Variants in MAK observed in about 807,000 individuals in gnomAD.
MAK encodes male germ cell associated kinase, also known as serine/threonine-protein kinase MAK.
MAK carries 65 observed loss-of-function variants against 82.6 expected under a neutral mutation model. That is an observed-to-expected ratio of 0.79 (90% CI 0.64 to 0.97). The LOEUF (loss-of-function observed/expected upper bound fraction) is 0.97. Among genes scored for constraint, MAK ranks in the 50% least tolerant of loss-of-function variants. The pLI is 0.00. For missense variants in MAK, 703 were observed against 780.2 expected, an observed-to-expected ratio of 0.90 and a Z score of 1.18; for synonymous variants, 250 against 274.2, an observed-to-expected ratio of 0.91 and a Z score of 0.87.
rs1365851410 is a variant in MAK at position 10,776,263 on chromosome 6, T to C, written c.1466-804A>G. Among the ~76,000 whole-genome samples the C allele has an allele frequency of 6.6e-6, 1 of 152,186 alleles. No homozygotes were observed. The highest frequency in any genetic ancestry group is 6.5e-5 in the Admixed American group (1 of 15,280). On this transcript the variant is annotated intron_variant, in intron 11 of 14. Coordinates refer to ENST00000354489, the MANE Select transcript of MAK (RefSeq NM_001242957.3). The surrounding 1 kb of genome is among the most constrained non-coding windows in gnomAD (Gnocchi z 4.3). ...GAGATACAGTAAAATGGAAACAGTTTATCCCCTGTGCGCCAGAAAGAAGTC... is the reference window on the plus strand; with the variant it reads ...GAGATACAGTAAAATGGAAACAGTTCATCCCCTGTGCGCCAGAAAGAAGTC...
At chr6:10,831,499 C>G (rs887931188) in intron 1 of MAK, among the ~76,000 whole-genome samples, 15 of 152,094 alleles carry the variant, frequency 9.9e-5, no homozygotes, top group African/African-American at 3.4e-4. Flanking sequence ...TGCCTGTAAT[C>G]CCAGTGATTT....
intron 8 of MAK, chr6:10,797,871 G>A: frequency 1.6e-6 from 2 of 1,283,364 alleles, no homozygotes; most frequent in Non-Finnish European, 2.0e-6. Context: ...CTAAAAAGCA[G>A]GGCTGTGAAA....
intron 2 of MAK, among the ~76,000 whole-genome samples, chr6:10,829,380 T>A (rs1360612877): frequency 6.6e-6 from 1 of 152,158 alleles, no homozygotes; most frequent in African/African-American, 2.4e-5. Context: ...AAAGAAATAA[T>A]AAGCCCTACT....
intron 9 of MAK, among the ~76,000 whole-genome samples, chr6:10,794,772 C>A (rs998667391): frequency 4.6e-5 from 7 of 152,156 alleles, no homozygotes; most frequent in Admixed American, 6.5e-5. Context: ...GAGGGTGGAT[C>A]ACCTGAGGTC....
At chr6:10,813,810 C>T in intron 4 of MAK, 87 bp from the exon 5 acceptor site, 1 of 779,896 alleles carries the variant, frequency 1.3e-6, no homozygotes, top group Non-Finnish European at 2.4e-6. Context: ...GCCTTGGAGC[C>T]TCTACTGGCC....
chr6:10,780,453 G>GTTT (rs34131278), intron 11 of MAK, among the ~76,000 whole-genome samples: 7 of 96,750 alleles, frequency 7.2e-5, no homozygotes, highest in African/African-American at 1.9e-4. Flanking sequence ...AAATGTACTG[G>GTTT]TTTTTTTTTT....
intron 1 of MAK, among the ~76,000 whole-genome samples, chr6:10,834,023 T>C (rs1392485546): frequency 6.6e-6 from 1 of 152,238 alleles, no homozygotes; most frequent in Non-Finnish European, 1.5e-5. Flanking sequence ...AAATATAATT[T>C]GGAAAAATCT....
chr6:10,816,624 G>C (rs1300242619), intron 4 of MAK, among the ~76,000 whole-genome samples: 1 of 151,882 alleles, frequency 6.6e-6, no homozygotes, highest in Non-Finnish European at 1.5e-5. Flanking sequence ...TTTATATTAG[G>C]AATGAAAGTC....
At chr6:10,798,422 C>G (rs1322313542) in intron 8 of MAK, among the ~76,000 whole-genome samples, 2 of 152,000 alleles carry the variant, frequency 1.3e-5, no homozygotes, top group South Asian at 2.1e-4. Flanking sequence ...CAACTCTTCC[C>G]TTTTAAGATA....
At chr6:10,787,711 A>G (rs1369742583) in intron 10 of MAK, among the ~76,000 whole-genome samples, 2 of 151,924 alleles carry the variant, frequency 1.3e-5, no homozygotes, top group East Asian at 2.0e-4. Flanking sequence ...AATACAAAAA[A>G]TTAGCCGAGT....
intron 9 of MAK, among the ~76,000 whole-genome samples, chr6:10,795,274 T>A (rs1775434770): frequency 1.3e-5 from 2 of 149,924 alleles, no homozygotes. Context: ...CAACATGGTC[T>A]CCACTAAAAA....
At position 10,815,912 on chromosome 6, in the gene MAK, G is replaced by GTATATATATATATATATA. The variant is rs3064109; in HGVS notation, c.278+1920_278+1937dup. Among the ~76,000 whole-genome samples, 104 of 108,264 alleles carry GTATATATATATATATATA rather than the reference G, an allele frequency of 9.6e-4. 1 individual carries two copies. The highest frequency in any genetic ancestry group is 2.3e-3 in the African/African-American group (51 of 21,810). 71.0% of individuals were successfully genotyped at this position (108,264 alleles called of 152,430 possible). ...TACTGTATTAGTGTAGCTTTATACA[G>GTATATATATATATATATA]TATATATATATATATATATATATAT... is the stretch of plus-strand genomic sequence containing the variant. On this transcript the variant is annotated intron_variant, in intron 4 of 14. Coordinates refer to ENST00000354489, the MANE Select transcript of MAK (RefSeq NM_001242957.3).
chr6:10,821,366 C>G (rs1326439418), intron 2 of MAK, among the ~76,000 whole-genome samples: 1 of 152,172 alleles, frequency 6.6e-6, no homozygotes, highest in Admixed American at 6.6e-5. Context: ...ACCTCTGTCT[C>G]CCAGGTTCAA....
chr6:10,801,773 G>T, intron 8 of MAK, 119 bp downstream of exon 8: 1 of 903,358 alleles, frequency 1.1e-6, no homozygotes, highest in South Asian at 1.4e-5. Flanking sequence ...CTAGGACTTT[G>T]TGTTTAATTC....
At chr6:10,815,701 A>T (rs1414130306) in intron 4 of MAK, among the ~76,000 whole-genome samples, 3 of 150,926 alleles carry the variant, frequency 2.0e-5, no homozygotes, top group Non-Finnish European at 4.4e-5. Context: ...GGCTCAAGCA[A>T]TCCTCCCGCC....
chr6:10,770,343 G>A, intron 13 of MAK, 113 bp from the exon 14 acceptor site: 1 of 1,239,784 alleles, frequency 8.1e-7, no homozygotes, highest in Non-Finnish European at 1.2e-6. Flanking sequence ...CATCTACTAT[G>A]TTTTAGGCAC....
chr6:10,770,150 G>C lies in MAK; in HGVS notation c.1753C>G (p.Gln585Glu). ...TTGAGAGGTGCTAAGTGGATCCTCT[G>C]GCCAGCTGACTGCACTTCTTTTTTG... ...FLKKEVQSAG[Q>E]RIHLAPLNAT... Residue 585 changes from glutamine to glutamate, a missense_variant, in exon 14 of 15, where the codon CAG becomes GAG. Gln to Glu is a conservative substitution (Grantham distance 29). Transcript: ENST00000354489. 2 of 1,614,122 alleles carry C rather than the reference G, an allele frequency of 1.2e-6. No homozygotes were observed. Among genetic ancestry groups the C allele is most frequent in the Non-Finnish European group, 1.7e-6 (2 of 1,180,024 alleles).
Position 10,810,360 on chromosome 6 carries a change from T to G in MAK, c.359-1418A>C, listed in dbSNP as rs1232456068. ...TTATCTTTTTCTTTTTTTTTTTTTTTTTTTGTTTTGAGACGGAGTCTTGCT... is the reference window on the plus strand; with the variant it reads ...TTATCTTTTTCTTTTTTTTTTTTTTGTTTTGTTTTGAGACGGAGTCTTGCT... On this transcript the variant is annotated intron_variant, in intron 5 of 14. Transcript: ENST00000354489. Among the ~76,000 whole-genome samples, 12 of 148,878 alleles carry G rather than the reference T, an allele frequency of 8.1e-5. No individual in the cohort carries two copies. In the East Asian group the frequency reaches 1.8e-3, roughly 22 times the overall value.
At chr6:10,766,644 G>A (rs931366066) in intron 14 of MAK, among the ~76,000 whole-genome samples, 1 of 152,148 alleles carries the variant, frequency 6.6e-6, no homozygotes, top group Admixed American at 6.6e-5. Flanking sequence ...CACCCATGTG[G>A]GCCACAGGTC....
Sources: gnomAD v4.1 joint callset for allele counts (sites outside exome capture counted in the v4.1 genomes callset) on GRCh38, gnomAD v4.1.1 for gene constraint, Gnocchi (gnomAD v3.1) non-coding constraint, MANE v1.5 for transcripts, NCBI Gene and HGNC (gene_info 2026-07-23, HGNC 2026-07-21) for gene names.